Variants in TBC1D5 observed in about 807,000 individuals in gnomAD.
The protein encoded by TBC1D5 is TBC1 domain family member 5.
In TBC1D5, 75 loss-of-function variants were observed where a neutral mutation model predicts 100.3. The ratio of observed to expected loss-of-function variants is 0.75; its 90% confidence interval spans 0.62 to 0.91. TBC1D5 has a LOEUF of 0.91. Ranked by LOEUF, TBC1D5 falls within the 40% of genes least tolerant of loss-of-function variation. The pLI is 0.00. For synonymous variants in TBC1D5, 323 were observed against 325.6 expected, an observed-to-expected ratio of 0.99 and a Z score of 0.09; for missense variants, 910 against 942.4, an observed-to-expected ratio of 0.97 and a Z score of 0.45.
At chr3:17,352,608 G>A (rs1414115081) in intron 13 of TBC1D5, among the ~76,000 whole-genome samples, 1 of 129,398 alleles carries the variant, frequency 7.7e-6, no homozygotes, top group Non-Finnish European at 1.6e-5. Context: ...TTCAAATATT[G>A]AACAGAAGAC....
At chr3:17,428,108 G>A (rs897606557) in intron 4 of TBC1D5, among the ~76,000 whole-genome samples, 6 of 151,666 alleles carry the variant, frequency 4.0e-5, no homozygotes, top group Non-Finnish European at 5.9e-5. Context: ...CTTTAGTACC[G>A]TAACAGATAT....
At chr3:17,417,363 A>C (rs538423443) in intron 4 of TBC1D5, among the ~76,000 whole-genome samples, 117 of 138,638 alleles carry the variant, frequency 8.4e-4, no homozygotes, top group South Asian at 5.4e-3. Flanking sequence ...CACAACAGTA[A>C]CCAGAGTGTG....
At chr3:17,636,005 C>G (rs1298598177) in intron 1 of TBC1D5, among the ~76,000 whole-genome samples, 2 of 151,926 alleles carry the variant, frequency 1.3e-5, no homozygotes, top group East Asian at 3.9e-4. Flanking sequence ...TCAGCCTGGC[C>G]AACATGGTAA....
At chr3:17,464,667 C>T (rs2095272345) in intron 3 of TBC1D5, among the ~76,000 whole-genome samples, 2 of 152,114 alleles carry the variant, frequency 1.3e-5, no homozygotes, top group Admixed American at 1.3e-4. Context: ...TCTCATTTGA[C>T]ACTTACGGTT....
chr3:17,360,363 T>C (rs1481726152), intron 13 of TBC1D5, among the ~76,000 whole-genome samples: 17 of 152,034 alleles, frequency 1.1e-4, no homozygotes, highest in Non-Finnish European at 2.2e-4. Flanking sequence ...TCATATAACC[T>C]GAAGTTGATC....
chr3:17,294,685 T>TA (rs1240674986), intron 14 of TBC1D5, among the ~76,000 whole-genome samples: 1 of 152,226 alleles, frequency 6.6e-6, no homozygotes, highest in East Asian at 1.9e-4. Context: ...GAGCATCTAC[T>TA]AAATGCCAGA....
intron 15 of TBC1D5, among the ~76,000 whole-genome samples, chr3:17,267,266 T>C (rs1238737824): frequency 6.6e-6 from 1 of 151,944 alleles, no homozygotes; most frequent in African/African-American, 2.4e-5. Flanking sequence ...AAAGTAGGAG[T>C]TTAGGTCTAC....
chr3:17,241,944 A>G (rs533985876), intron 16 of TBC1D5, among the ~76,000 whole-genome samples: 3 of 152,346 alleles, frequency 2.0e-5, no homozygotes, highest in Admixed American at 2.0e-4. Flanking sequence ...CCAACCTTAA[A>G]AGAATCAAAT....
Position 17,485,332 on chromosome 3 carries a change from TTTATTA to T in TBC1D5, c.97+23136_97+23141del, listed in dbSNP as rs10663489. ...TTTTTACATTTACAAGCCAATATTC[TTTATTA>T]TTATTATTATTATACTTTAAGTTTT... On this transcript the variant is annotated intron_variant, in intron 3 of 21. Coordinates refer to ENST00000253692, the Ensembl canonical transcript of TBC1D5. Among the ~76,000 whole-genome samples, 3 of 149,632 alleles carry T rather than the reference TTTATTA, an allele frequency of 2.0e-5. No individual in the cohort carries two copies. In the South Asian group the frequency reaches 6.3e-4, roughly 31 times the overall value.
At chr3:17,647,123 G>A (rs190682720) in intron 1 of TBC1D5, 1 of 152,148 alleles carries the variant, frequency 6.6e-6, no homozygotes, top group Non-Finnish European at 1.5e-5. Context: ...ATATTTTCAG[G>A]TTCTGAAACA....
intron 2 of TBC1D5, among the ~76,000 whole-genome samples, chr3:17,572,893 T>C (rs1270125263): frequency 6.6e-6 from 1 of 152,096 alleles, no homozygotes; most frequent in East Asian, 1.9e-4. Context: ...TCTCTACCTA[T>C]AATCCCTGGG....
chr3:17,600,282 T>C (rs757938417), intron 2 of TBC1D5, among the ~76,000 whole-genome samples: 1 of 152,166 alleles, frequency 6.6e-6, no homozygotes. Context: ...ACCAACTGAA[T>C]TGTCAGGTTT....
intron 8 of TBC1D5, among the ~76,000 whole-genome samples, chr3:17,391,879 G>A (rs1441582886): frequency 1.3e-5 from 2 of 152,102 alleles, no homozygotes; most frequent in Non-Finnish European, 2.9e-5. Flanking sequence ...TCCAGGCAGA[G>A]TACTGAAAGT....
intron 2 of TBC1D5, chr3:17,576,309 C>G (rs186436931): frequency 6.6e-6 from 1 of 152,116 alleles, no homozygotes; most frequent in African/African-American, 2.4e-5. Context: ...AGAAGTGAGG[C>G]AGTAAAGTAC....
intron 19 of TBC1D5, chr3:17,184,900 G>C (rs986102091): frequency 1.3e-5 from 4 of 314,090 alleles, no homozygotes; most frequent in Non-Finnish European, 2.4e-5. Flanking sequence ...TATAATCTTG[G>C]GGCATTTTCT....
rs954903893 is a variant in TBC1D5 at position 17,369,223 on chromosome 3, G to A, written c.995+2852C>T. 3.3e-5 allele frequency among the ~76,000 whole-genome samples: 5 copies of A among 151,998 alleles called. No homozygotes were observed. The East Asian group carries it at 5.8e-4, about 18-fold the overall frequency. ...AGGTAAGAGAAGCACATAGGCTCTA[G>A]TGAAAAGAAAAAAAAAGTCAAAGAC... On this transcript the variant is annotated intron_variant, in intron 13 of 21. Coordinates refer to ENST00000253692, the Ensembl canonical transcript of TBC1D5.
At chr3:17,732,094 G>C (rs934070552) in intron 1 of TBC1D5, among the ~76,000 whole-genome samples, 11 of 152,054 alleles carry the variant, frequency 7.2e-5, no homozygotes, top group Admixed American at 7.2e-4. Context: ...GAGGCAGGCA[G>C]ATCACTTGAG....
Position 17,200,922 on chromosome 3 carries a change from A to C in TBC1D5, c.1752+13285T>G, listed in dbSNP as rs80059084. Among the ~76,000 whole-genome samples, 762 of 152,354 alleles carry C rather than the reference A, an allele frequency of 5.0e-3. 7 individuals are homozygous for C. Among genetic ancestry groups the C allele is most frequent in the African/African-American group, 0.017 (718 of 41,584 alleles). ...ATCTGATAAATTTGTAATGATAAAC[A>C]TGTGTATTAAGAGGATTAATAATTA... On this transcript the variant is annotated intron_variant, in intron 18 of 21. Transcript: ENST00000253692.
chr3:17,306,774 C>G lies in TBC1D5; in HGVS notation c.1138+1218G>C, dbSNP rs181172505. Among the ~76,000 whole-genome samples the G allele has an allele frequency of 2.8e-3, 420 of 152,036 alleles. 6 individuals carry two copies. The highest frequency in any genetic ancestry group is 6.2e-3 in the East Asian group (32 of 5,184). On this transcript the variant is annotated intron_variant, in intron 14 of 21. Transcript: ENST00000253692. ...TTTTTTCTAGAAGAGGTTTCTCATTCCTTTTATTATTATTTATATTAAAAA... is the reference window on the plus strand; with the variant it reads ...TTTTTTCTAGAAGAGGTTTCTCATTGCTTTTATTATTATTTATATTAAAAA...
Sources: gnomAD v4.1 joint callset for allele counts (sites outside exome capture counted in the v4.1 genomes callset) on GRCh38, gnomAD v4.1.1 for gene constraint, MANE v1.5 for transcripts, NCBI Gene and HGNC (gene_info 2026-07-23, HGNC 2026-07-21) for gene names.